Variants in MYO1E observed in about 807,000 individuals in gnomAD.
The protein encoded by MYO1E is unconventional myosin-Ie.
A neutral mutation model predicts 151.1 loss-of-function variants in MYO1E; 68 were observed. That is an observed-to-expected ratio of 0.45 (90% confidence interval 0.37 to 0.55). MYO1E has a LOEUF of 0.55. MYO1E is among the 20% of genes least tolerant of loss of function. The pLI is 0.00. For missense variants in MYO1E, 1,363 were observed against 1,389.3 expected (o/e 0.98, Z 0.30); for synonymous variants, 601 against 501.7 (o/e 1.20, Z -2.64).
chr15:59,236,060 A>G (rs1310386909), intron 5 of MYO1E, among the ~76,000 whole-genome samples: 1 of 152,076 alleles, frequency 6.6e-6, no homozygotes, highest in Non-Finnish European at 1.5e-5. Context: ...TATTAGGCAC[A>G]TCTACCTTAA....
chr15:59,223,884 T>C (rs2079971454), intron 8 of MYO1E, among the ~76,000 whole-genome samples: 1 of 152,216 alleles, frequency 6.6e-6, no homozygotes, highest in Non-Finnish European at 1.5e-5. Context: ...CCGCAGCTGC[T>C]TTGAGGCCAT....
chr15:59,353,217 T>C (rs2080833530), intron 1 of MYO1E, among the ~76,000 whole-genome samples: 1 of 151,516 alleles, frequency 6.6e-6, no homozygotes, highest in Non-Finnish European at 1.5e-5. Flanking sequence ...TTAAGCCAGG[T>C]GTAGTGGTGC....
chr15:59,293,171 C>T (rs1245378316), intron 1 of MYO1E, among the ~76,000 whole-genome samples: 1 of 152,186 alleles, frequency 6.6e-6, no homozygotes, highest in Admixed American at 6.5e-5. Context: ...CAATCACCCC[C>T]ATCTACCAGA....
In MYO1E at chr15:59,223,200, G is replaced by A. The variant is rs1304690650; in HGVS notation, c.778-9C>T. ...ATCACATTCATGGCGTGCTGGAAGA[G>A]AAAAGAGAAACTATCCAGAGAAGCT... On this transcript the variant is annotated splice_polypyrimidine_tract_variant and intron_variant, in intron 8 of 27. Transcript: ENST00000288235. 1.2e-6 allele frequency: 2 copies of A among 1,610,744 alleles called. No homozygotes were observed. The highest frequency in any genetic ancestry group is 3.3e-5 in the Admixed American group (2 of 59,734).
intron 1 of MYO1E, among the ~76,000 whole-genome samples, chr15:59,303,535 A>G (rs766289133): frequency 6.6e-6 from 1 of 152,200 alleles, no homozygotes; most frequent in Non-Finnish European, 1.5e-5. Flanking sequence ...TCTAAAAATA[A>G]AGAAAGAAAT....
chr15:59,271,310 G>T (rs1596394246), intron 2 of MYO1E: 1 of 151,958 alleles, frequency 6.6e-6, no homozygotes, highest in East Asian at 1.9e-4. Flanking sequence ...AAGCTTTTTG[G>T]GTAAAAATCT....
chr15:59,148,687 A>C (rs1005515417), intron 26 of MYO1E, among the ~76,000 whole-genome samples: 25 of 152,308 alleles, frequency 1.6e-4, no homozygotes, highest in African/African-American at 6.0e-4. Flanking sequence ...GCCCCATAAA[A>C]ATATGACTCC....
At chr15:59,139,617 C>G (rs943576593) in intron 26 of MYO1E, among the ~76,000 whole-genome samples, 1 of 150,966 alleles carries the variant, frequency 6.6e-6, no homozygotes, top group Non-Finnish European at 1.5e-5. Context: ...ACTCTGCAGA[C>G]GGCCCTCCTA....
At chr15:59,348,035 A>G (rs1188786287) in intron 1 of MYO1E, among the ~76,000 whole-genome samples, 4 of 147,498 alleles carry the variant, frequency 2.7e-5, no homozygotes, top group African/African-American at 1.1e-4. Flanking sequence ...ACCCTGGTGA[A>G]AAACAGATTT....
intron 14 of MYO1E, chr15:59,206,866 G>A: frequency 8.2e-6 from 12 of 1,466,020 alleles, no homozygotes; most frequent in South Asian, 1.4e-5. Flanking sequence ...TCCTGCCAAC[G>A]GCTCTCTTGG....
intron 4 of MYO1E, among the ~76,000 whole-genome samples, chr15:59,238,853 G>C (rs1046149875): frequency 6.6e-6 from 1 of 151,992 alleles, no homozygotes; most frequent in Non-Finnish European, 1.5e-5. Flanking sequence ...TTACAGGTGT[G>C]AGCCACGACA....
intron 26 of MYO1E, among the ~76,000 whole-genome samples, chr15:59,149,899 A>C (rs1035127062): frequency 1.3e-5 from 2 of 152,220 alleles, no homozygotes; most frequent in African/African-American, 4.8e-5. Flanking sequence ...GGGATCCTAA[A>C]ATTCCCTGCA....
chr15:59,162,197 G>A (rs1346119534), intron 23 of MYO1E, among the ~76,000 whole-genome samples: 2 of 151,920 alleles, frequency 1.3e-5, no homozygotes, highest in Non-Finnish European at 2.9e-5. Context: ...CACCATACTC[G>A]GCTAATTTTT....
intron 26 of MYO1E, among the ~76,000 whole-genome samples, chr15:59,140,066 T>TTGTGTG (rs71425844): frequency 1.3e-5 from 2 of 150,206 alleles, no homozygotes; most frequent in Admixed American, 6.6e-5. Context: ...GAATTCTCTG[T>TTGTGTG]TGTGTGTGTG....
At chr15:59,152,742 A>T (rs1385416505) in intron 26 of MYO1E, among the ~76,000 whole-genome samples, 1 of 152,226 alleles carries the variant, frequency 6.6e-6, no homozygotes, top group East Asian at 1.9e-4. Context: ...AGCAAACAGC[A>T]GGTCCAGTGT....
At chr15:59,206,879 T>C (rs2079838181) in intron 14 of MYO1E, 2 of 1,523,330 alleles carry the variant, frequency 1.3e-6, no homozygotes, top group African/African-American at 1.4e-5. Flanking sequence ...TCTCTTGGCG[T>C]CTCAACGTTC....
rs559632063 is a variant in MYO1E at position 59,239,556 on chromosome 15, C to G, written c.333-2884G>C. Among the ~76,000 whole-genome samples, 8 of 152,100 alleles carry G rather than the reference C, an allele frequency of 5.3e-5. No homozygotes were observed. The East Asian group carries it at 1.2e-3, about 22-fold the overall frequency. On this transcript the variant is annotated intron_variant, in intron 4 of 27. Coordinates refer to ENST00000288235, the MANE Select transcript of MYO1E (RefSeq NM_004998.4). ...AATCCCAGTAATCCTCCCACTGTGT[C>G]TTTGGTTAATACTGTATTCAGACAT... is the stretch of plus-strand genomic sequence containing the variant.
At chr15:59,331,894 T>C (rs1175403283) in intron 1 of MYO1E, among the ~76,000 whole-genome samples, 1 of 152,196 alleles carries the variant, frequency 6.6e-6, no homozygotes, top group Non-Finnish European at 1.5e-5. Context: ...AGCTCTCTTT[T>C]ATTATTGCAG....
chr15:59,333,276 G>A (rs1405653565), intron 1 of MYO1E, among the ~76,000 whole-genome samples: 3 of 152,030 alleles, frequency 2.0e-5, no homozygotes, highest in African/African-American at 4.8e-5. Flanking sequence ...GCCTCGCTCT[G>A]TTACCCAGGC....
Sources: allele counts gnomAD v4.1 joint callset (sites outside exome capture counted in the v4.1 genomes callset), GRCh38; gene constraint gnomAD v4.1.1; transcripts MANE v1.5; gene names NCBI Gene and HGNC (gene_info 2026-07-23, HGNC 2026-07-21).